SLC2A3: variants seen among roughly 807,000 people sequenced by gnomAD.
The protein encoded by SLC2A3 is solute carrier family 2, facilitated glucose transporter member 3.
SLC2A3 carries 21 observed loss-of-function variants against 46.4 expected under a neutral mutation model. That is an observed-to-expected ratio of 0.45 (90% CI 0.32 to 0.65). The LOEUF is 0.65. Ranked by LOEUF, SLC2A3 falls within the 30% of genes least tolerant of loss-of-function variation. The pLI, the probability that SLC2A3 is intolerant of heterozygous loss-of-function variation, is 0.04. For synonymous variants in SLC2A3, 213 were observed against 239.4 expected (o/e 0.89, Z 1.02); for missense variants, 499 against 623.3 (o/e 0.80, Z 2.12).
chr12:7,926,937 G>GAT (rs1216394471), intron 6 of SLC2A3, among the ~76,000 whole-genome samples: 1 of 152,106 alleles, frequency 6.6e-6, no homozygotes, highest in Non-Finnish European at 1.5e-5. Flanking sequence ...ATAGTTAAGA[G>GAT]ATATTAAAAT....
Position 7,923,004 on chromosome 12 carries a change from G to T in SLC2A3, c.1089C>A (p.Ser363Arg), listed in dbSNP as rs764746549. The T allele has an allele frequency of 5.0e-6, 8 of 1,613,804 alleles. No homozygotes were observed. The highest frequency in any genetic ancestry group is 6.8e-6 in the Non-Finnish European group (8 of 1,179,872). ...CCAAGATAGCCCCAATACAGACAAAGCTCATCCCATTATAGTTATCCTGTA... is the reference window on the plus strand; with the variant it reads ...CCAAGATAGCCCCAATACAGACAAATCTCATCCCATTATAGTTATCCTGTA... ...LLLKDNYNGM[S>R]FVCIGAILVF... Residue 363 changes from serine (S) to arginine (R), a missense_variant, in exon 9 of 10, where the codon AGC becomes AGA. By Grantham distance (110) the Ser-to-Arg change is moderately radical (BLOSUM62 -1). Coordinates refer to ENST00000075120, the MANE Select transcript of SLC2A3 (RefSeq NM_006931.3).
chr12:7,930,581 G>C lies in SLC2A3; in HGVS notation c.572C>G (p.Thr191Ser), dbSNP rs191531731. ...ACTTTGTAGGATAGCAGGAAGGATG[G>C]TAAAACCCAGTAGCAGCGGCCATAG... ...EELWPLLLGFTILPAILQSAA... is the reference protein window; with the variant it reads ...EELWPLLLGFSILPAILQSAA... Residue 191 changes from threonine (T) to serine (S), a missense_variant, in exon 5 of 10, where the codon ACC becomes AGC. Physicochemically the swap from Thr to Ser is moderately conservative, Grantham distance 58 (BLOSUM62 1). This residue lies in a region of SLC2A3 where 248 missense variants were observed against 284.0 expected (regional missense o/e 0.87). Coordinates refer to ENST00000075120, the MANE Select transcript of SLC2A3 (RefSeq NM_006931.3). The C allele has an allele frequency of 4.2e-5, 68 of 1,613,862 alleles. No individual in the cohort carries two copies. The highest frequency in any genetic ancestry group is 5.7e-5 in the Non-Finnish European group (67 of 1,179,914).
At chr12:7,921,705 C>G in intron 9 of SLC2A3, 74 bp from the exon 10 acceptor site, 1 of 1,471,660 alleles carries the variant, frequency 6.8e-7, no homozygotes, top group Non-Finnish European at 9.2e-7. Context: ...CCTTCACATT[C>G]ATATTTCCAA....
intron 6 of SLC2A3, chr12:7,929,456 T>G (rs1946129753): frequency 3.2e-6 from 2 of 615,792 alleles, no homozygotes; most frequent in African/African-American, 1.9e-5. Flanking sequence ...CCAGGGTCTT[T>G]TTTTTTTTTC....
Position 7,933,004 on chromosome 12 carries a change from G to C in SLC2A3, c.252C>G (p.Phe84Leu). ...GTCAATACCTGCCAAAGCGGTTGAC[G>C]AAGAGTCCGACGGAAAAGGAGCCGA... ...GMIGSFSVGL[F>L]VNRFGRRNSM... The change falls in exon 3 of 10, where the codon TTC (phenylalanine) becomes TTG (leucine). Residue 84 changes from phenylalanine to leucine, a missense_variant. By Grantham distance (22) the Phe-to-Leu change is conservative (BLOSUM62 0). Transcript: ENST00000075120. 5 of 1,614,054 alleles carry C rather than the reference G, an allele frequency of 3.1e-6. No individual in the cohort carries two copies. Among genetic ancestry groups the C allele is most frequent in the Non-Finnish European group, 4.2e-6 (5 of 1,180,020 alleles).
At chr12:7,930,689 C>T (rs901412029) in intron 4 of SLC2A3, 47 bp from the exon 5 acceptor site, 18 of 1,539,398 alleles carry the variant, frequency 1.2e-5, no homozygotes, top group Non-Finnish European at 1.5e-5. Flanking sequence ...ACTTCACAGG[C>T]CACAAGTTCA....
In SLC2A3 at chr12:7,920,080, C is replaced by G. The variant is rs1946020191; in HGVS notation, c.*1333G>C. 1 of 152,308 alleles carries G rather than the reference C, an allele frequency of 6.6e-6. No individual in the cohort carries two copies. Among genetic ancestry groups the G allele is most frequent in the African/African-American group, 2.4e-5 (1 of 41,370 alleles). 9.4% of individuals were successfully genotyped at this position (152,308 alleles called of 1,614,324 possible). A position where few individuals can be genotyped will look rare whatever the true frequency, so the allele number is the denominator to read the frequency against. On this transcript the variant is annotated 3_prime_UTR_variant, in exon 10 of 10. Transcript: ENST00000075120. ...TGGTAACAGACATACGCAAGCGTGCCGTGAGCCTAAAGCAACAACACACTT... is the reference window on the plus strand; with the variant it reads ...TGGTAACAGACATACGCAAGCGTGCGGTGAGCCTAAAGCAACAACACACTT...
chr12:7,923,911 G>C (rs1223570094), intron 8 of SLC2A3, among the ~76,000 whole-genome samples: 2 of 151,776 alleles, frequency 1.3e-5, no homozygotes, highest in Non-Finnish European at 2.9e-5. Flanking sequence ...TGACATTAGA[G>C]GCATGCACCA....
At chr12:7,933,252 TAGAC>T (rs1592358909) in intron 2 of SLC2A3, 105 bp from the exon 3 acceptor site, 34 of 1,233,244 alleles carry the variant, frequency 2.8e-5, no homozygotes, top group Non-Finnish European at 3.8e-5. Flanking sequence ...AGGGAATAAA[TAGAC>T]AGGAATGGAA....
chr12:7,931,624 A>G (rs1946157169), intron 3 of SLC2A3, 139 bp from the exon 4 acceptor site: 2 of 1,313,760 alleles, frequency 1.5e-6, no homozygotes, highest in African/African-American at 3.0e-5. Flanking sequence ...TTCACTTTCT[A>G]TTATCAGAAC....
chr12:7,921,313 A>C lies in SLC2A3; in HGVS notation c.*100T>G. On this transcript the variant is annotated 3_prime_UTR_variant, in exon 10 of 10. Coordinates refer to ENST00000075120, the MANE Select transcript of SLC2A3 (RefSeq NM_006931.3). The stretch of plus-strand genomic sequence containing the variant: ...TGGGATGAGAAAGGAATTAAGTAGC[A>C]GCATTCAGAAGCGTCCTGGGTTCAT... 6.3e-7 allele frequency: 1 copy of C among 1,582,398 alleles called. No homozygotes were observed. Among genetic ancestry groups the C allele is most frequent in the Non-Finnish European group, 8.6e-7 (1 of 1,162,802 alleles).
At chr12:7,926,911 A>C (rs1266634930) in intron 6 of SLC2A3, among the ~76,000 whole-genome samples, 2 of 152,158 alleles carry the variant, frequency 1.3e-5, no homozygotes, top group Admixed American at 1.3e-4. Context: ...TAAAATCTAA[A>C]GTTGCTATAA....
At chr12:7,933,756 T>G in intron 2 of SLC2A3, 54 bp downstream of exon 2, 1 of 1,578,340 alleles carries the variant, frequency 6.3e-7, no homozygotes, top group Non-Finnish European at 8.7e-7. Flanking sequence ...GAAACCCTAC[T>G]TAAAGGAATA....
chr12:7,920,279 A>G lies in SLC2A3; in HGVS notation c.*1134T>C, dbSNP rs1236094331. ...GTGGAAAAATAATGAATCTCTACCA[A>G]GAACCAATTATTTTAGGTTTCTTAT... is the stretch of plus-strand genomic sequence containing the variant. On this transcript the variant is annotated 3_prime_UTR_variant, in exon 10 of 10. Transcript: ENST00000075120. The G allele has an allele frequency of 6.6e-6, 1 of 152,122 alleles. No homozygotes were observed. Among genetic ancestry groups the G allele is most frequent in the African/African-American group, 2.4e-5 (1 of 41,366 alleles). The allele number at this position is 152,122 out of a possible 1,614,324, so 9.4% of individuals were successfully genotyped here.
chr12:7,922,024 G>T (rs1026319826), intron 9 of SLC2A3, among the ~76,000 whole-genome samples: 5 of 149,450 alleles, frequency 3.3e-5, no homozygotes, highest in African/African-American at 1.3e-4. Context: ...CTCTATTTAT[G>T]AATTTTTTTT....
chr12:7,928,346 C>T (rs11056521), intron 6 of SLC2A3, among the ~76,000 whole-genome samples: 62,491 of 151,102 alleles, frequency 0.41, 13,312 homozygotes, highest in Non-Finnish European at 0.47. Context: ...TGCAGTGAGC[C>T]GAGATCGTGC....
intron 6 of SLC2A3, among the ~76,000 whole-genome samples, chr12:7,928,557 A>C (rs1946118586): frequency 6.6e-6 from 1 of 151,504 alleles, no homozygotes; most frequent in South Asian, 2.1e-4. Flanking sequence ...CCTCAGGTGC[A>C]TTCTTTCATT....
intron 8 of SLC2A3, among the ~76,000 whole-genome samples, chr12:7,924,196 A>C (rs1395578126): frequency 6.6e-6 from 1 of 152,178 alleles, no homozygotes; most frequent in African/African-American, 2.4e-5. Flanking sequence ...AATTTATTTT[A>C]TAAGCTATAA....
chr12:7,935,894 A>G, intron 1 of SLC2A3, 126 bp downstream of exon 1: 1 of 813,616 alleles, frequency 1.2e-6, no homozygotes, highest in Non-Finnish European at 2.2e-6. Context: ...CTAGAGACGA[A>G]ATGAAAAGGC....
Sources: allele counts gnomAD v4.1 joint callset (sites outside exome capture counted in the v4.1 genomes callset), GRCh38; gene constraint gnomAD v4.1.1; regional missense constraint gnomAD v4.1.1; transcripts MANE v1.5; gene names NCBI Gene and HGNC (gene_info 2026-07-23, HGNC 2026-07-21).